The following GARNL3 variants were observed in gnomAD, a reference collection of about 807,000 sequenced individuals.
The protein encoded by GARNL3 is GTPase-activating Rap/Ran-GAP domain-like protein 3.
GARNL3 carries 63 observed loss-of-function variants against 125.0 expected under a neutral mutation model. The ratio of observed to expected loss-of-function variants is 0.50; its 90% confidence interval spans 0.41 to 0.62. The LOEUF is 0.62. GARNL3 is among the 20% of genes least tolerant of loss of function. The pLI, the probability that GARNL3 is intolerant of heterozygous loss-of-function variation, is 0.00. For missense variants in GARNL3, 994 were observed against 1,244.0 expected, an observed-to-expected ratio of 0.80 and a Z score of 3.02; for synonymous variants, 439 against 457.5, an observed-to-expected ratio of 0.96 and a Z score of 0.52.
Position 127,385,075 on chromosome 9 carries a change from T to G in GARNL3, c.2318T>G (p.Ile773Ser). 1 of 1,612,820 alleles carries G rather than the reference T, an allele frequency of 6.2e-7. No homozygotes were observed. The highest frequency in any genetic ancestry group is 8.5e-7 in the Non-Finnish European group (1 of 1,179,320). Reference protein sequence around the residue: ...LLAFTTDSMEIRLVVNGNLVH... With the variant: ...LLAFTTDSMESRLVVNGNLVH... The stretch of plus-strand genomic sequence containing the variant: ...GCCTTCACCACCGACTCCATGGAGA[T>G]CCGCCTGGTGGTGAACGGGAACCTG... Residue 773 changes from isoleucine to serine, a missense_variant, in exon 24 of 28, where the codon ATC (isoleucine) becomes AGC (serine). This residue lies in a region of GARNL3 where 728 missense variants were observed against 865.7 expected (regional missense o/e 0.84). Transcript: ENST00000373387. The surrounding 1 kb of genome is among the most constrained non-coding windows in gnomAD (Gnocchi z 4.1).
At chr9:127,258,936 T>A (rs1195207969), upstream of GARNL3, among the ~76,000 whole-genome samples, 3 of 152,212 alleles carry the variant, frequency 2.0e-5, no homozygotes, top group African/African-American at 7.2e-5. Flanking sequence ...TCTGAACAAC[T>A]GCCTGTTACT....
intron 22 of GARNL3, among the ~76,000 whole-genome samples, chr9:127,382,668 T>C (rs1832330783): frequency 6.6e-6 from 1 of 152,132 alleles, no homozygotes; most frequent in Non-Finnish European, 1.5e-5. Context: ...CTGTAATAAA[T>C]GGGGCCTTTG....
intron 2 of GARNL3, among the ~76,000 whole-genome samples, chr9:127,304,998 G>A (rs540889853): frequency 1.3e-5 from 2 of 152,176 alleles, no homozygotes; most frequent in East Asian, 1.9e-4. Flanking sequence ...GTTGCAGACC[G>A]AATGACAAAG....
chr9:127,324,974 C>A, intron 6 of GARNL3, 95 bp from the exon 7 acceptor site: 1 of 1,232,468 alleles, frequency 8.1e-7, no homozygotes, highest in Non-Finnish European at 1.2e-6. Context: ...TTCAAAATGT[C>A]AGTGTGAGCA....
At chr9:127,314,788 T>C (rs1322538788) in intron 4 of GARNL3, among the ~76,000 whole-genome samples, 5 of 152,194 alleles carry the variant, frequency 3.3e-5, no homozygotes, top group Admixed American at 3.3e-4. Context: ...TAAGTTGTGA[T>C]AAGCACTCTG....
intron 1 of GARNL3, among the ~76,000 whole-genome samples, chr9:127,267,247 C>CT (rs1368881261): frequency 2.0e-5 from 3 of 152,056 alleles, no homozygotes; most frequent in Non-Finnish European, 4.4e-5. Context: ...TTGTAGTTGA[C>CT]TTTTTAGAAT....
chr9:127,318,657 C>T, intron 5 of GARNL3, among the ~76,000 whole-genome samples: 1 of 150,650 alleles, frequency 6.6e-6, no homozygotes, highest in South Asian at 2.3e-4. Flanking sequence ...ACCTCTCGTG[C>T]CCCCACCCTC....
At chr9:127,300,142 C>T in intron 2 of GARNL3, 1 of 322,960 alleles carries the variant, frequency 3.1e-6, no homozygotes. Flanking sequence ...TACCTCTGGC[C>T]AGTTTTCCTG....
At chr9:127,278,985 A>G (rs1050730359) in intron 1 of GARNL3, among the ~76,000 whole-genome samples, 5 of 152,184 alleles carry the variant, frequency 3.3e-5, no homozygotes, top group African/African-American at 1.2e-4. Flanking sequence ...TGAATCCAGT[A>G]GGACCTTATA....
intron 1 of GARNL3, among the ~76,000 whole-genome samples, chr9:127,226,034 G>A (rs965737532): frequency 1.3e-5 from 2 of 152,322 alleles, no homozygotes; most frequent in African/African-American, 4.8e-5. Context: ...CATTTTCTCA[G>A]GTCTTGGAGA....
intron 1 of GARNL3, chr9:127,225,361 G>GGGC: frequency 2.0e-6 from 2 of 985,008 alleles, no homozygotes; most frequent in Non-Finnish European, 2.4e-6. Flanking sequence ...CGGCAGAAGA[G>GGGC]GGCGGCGCTG....
At chr9:127,241,338 A>G (rs2063201036) in intron 1 of GARNL3, among the ~76,000 whole-genome samples, 1 of 151,980 alleles carries the variant, frequency 6.6e-6, no homozygotes, top group Admixed American at 6.6e-5. Flanking sequence ...TGAAGCCCTG[A>G]TTTGTTATTT....
intron 22 of GARNL3, among the ~76,000 whole-genome samples, chr9:127,374,109 C>CT (rs1437576624): frequency 6.6e-6 from 1 of 152,112 alleles, no homozygotes; most frequent in Admixed American, 6.5e-5. Flanking sequence ...CGAGAGCAGC[C>CT]TGACCAACAT....
At chr9:127,336,012 G>C in intron 10 of GARNL3, 116 bp from the exon 11 acceptor site, 1 of 730,978 alleles carries the variant, frequency 1.4e-6, no homozygotes, top group East Asian at 2.8e-5. Context: ...GATGTCTGAA[G>C]TTCAGGGCTC....
Position 127,354,017 on chromosome 9 carries a change from C to T in GARNL3, c.1642+73C>T, listed in dbSNP as rs371430190. The T allele has an allele frequency of 3.9e-5, 39 of 1,000,046 alleles. No homozygotes were observed. In the Middle Eastern group the frequency reaches 6.6e-4, roughly 17 times the overall value. The allele number at this position is 1,000,046 out of a possible 1,614,324, so 61.9% of individuals were successfully genotyped here. On this transcript the variant is annotated intron_variant, in intron 18 of 27. Transcript: ENST00000373387. ...GCCTTCTGCGGCCCACACCACAGGTCGCCAGGGTCTGACTGCATAAGTTCT... is the reference window on the plus strand; with the variant it reads ...GCCTTCTGCGGCCCACACCACAGGTTGCCAGGGTCTGACTGCATAAGTTCT...
intron 22 of GARNL3, among the ~76,000 whole-genome samples, chr9:127,380,295 A>G (rs1832181908): frequency 6.6e-6 from 1 of 150,814 alleles, no homozygotes; most frequent in Non-Finnish European, 1.5e-5. Flanking sequence ...TTTCTTCTTT[A>G]TGTTTTTCTT....
intron 1 of GARNL3, among the ~76,000 whole-genome samples, chr9:127,275,938 C>G (rs934377405): frequency 2.0e-5 from 3 of 152,108 alleles, no homozygotes; most frequent in Non-Finnish European, 4.4e-5. Context: ...TGTGAAGGCT[C>G]TTTGATTACT....
Position 127,225,259 on chromosome 9 carries a change from CG to C in GARNL3, c.-29+922del, listed in dbSNP as rs1301350676. 9 of 691,294 alleles carry C rather than the reference CG, an allele frequency of 1.3e-5. No individual in the cohort carries two copies. In the African/African-American group the frequency reaches 1.8e-4, roughly 14 times the overall value. 42.8% of individuals were successfully genotyped at this position (691,294 alleles called of 1,614,324 possible). A position where few individuals can be genotyped will look rare whatever the true frequency, so the allele number is the denominator to read the frequency against. Reference sequence around the variant, plus strand: ...GCGGCGCGCGAGCCGAGCGGCCGGCCGAGGCCCGAGCCCACCCGAGTGCGCC... The same window carrying C: ...GCGGCGCGCGAGCCGAGCGGCCGGCCAGGCCCGAGCCCACCCGAGTGCGCC... On this transcript the variant is annotated intron_variant, in intron 1 of 10. Transcript: ENST00000439286.
chr9:127,235,756 C>T (rs1403179899), intron 1 of GARNL3, among the ~76,000 whole-genome samples: 1 of 152,028 alleles, frequency 6.6e-6, no homozygotes, highest in Non-Finnish European at 1.5e-5. Flanking sequence ...ATTATTGGTC[C>T]ATTGGTGGCC....
Sources: gnomAD v4.1 joint callset for allele counts (sites outside exome capture counted in the v4.1 genomes callset) on GRCh38, gnomAD v4.1.1 for gene constraint, gnomAD v4.1.1 regional missense constraint, Gnocchi (gnomAD v3.1) non-coding constraint, MANE v1.5 for transcripts, NCBI Gene and HGNC (gene_info 2026-07-23, HGNC 2026-07-21) for gene names.